ZRANB2: variants seen among roughly 807,000 people sequenced by gnomAD.
ZRANB2 encodes the protein zinc finger RANBP2-type containing 2, also known as zinc finger Ran-binding domain-containing protein 2.
Under a neutral mutation model 53.4 loss-of-function variants are expected in ZRANB2, and 19 were observed. The ratio of observed to expected loss-of-function variants is 0.36; its 90% CI spans 0.25 to 0.52. The LOEUF is 0.52. ZRANB2 is among the 20% of genes least tolerant of loss of function. ZRANB2 has a pLI of 0.93. For synonymous variants in ZRANB2, 145 were observed against 134.8 expected (o/e 1.08, Z -0.52); for missense variants, 309 against 401.1 (o/e 0.77, Z 1.96).
chr1:71,064,978 C>T lies in ZRANB2; in HGVS notation c.*96G>A, dbSNP rs1661387557. 1.4e-6 allele frequency: 1 copy of T among 731,202 alleles called. No individual in the cohort carries two copies. Among genetic ancestry groups the T allele is most frequent in the Non-Finnish European group, 2.3e-6 (1 of 438,380 alleles). 45.3% of individuals were successfully genotyped at this position (731,202 alleles called of 1,614,324 possible). On this transcript the variant is annotated 3_prime_UTR_variant, in exon 10 of 10. Coordinates refer to ENST00000370920, the MANE Select transcript of ZRANB2 (RefSeq NM_203350.3). Reference sequence around the variant, plus strand: ...AATGAAAGGCATGCACCTCTACTAGCAGATTTAGCACTTCTGACCAAGTAA... The same window carrying T: ...AATGAAAGGCATGCACCTCTACTAGTAGATTTAGCACTTCTGACCAAGTAA...
intron 9 of ZRANB2, chr1:71,065,693 G>A: frequency 6.2e-7 from 1 of 1,611,734 alleles, no homozygotes; most frequent in Non-Finnish European, 8.5e-7. Context: ...TAAAGTAGTG[G>A]TGTTCCGTAG....
intron 7 of ZRANB2, 75 bp from the exon 8 acceptor site, chr1:71,069,437 G>A (rs1661546657): frequency 2.8e-6 from 3 of 1,062,754 alleles, no homozygotes; most frequent in Admixed American, 3.7e-5. Flanking sequence ...CTGAAAGAAA[G>A]ATATGTATTA....
intron 4 of ZRANB2, among the ~76,000 whole-genome samples, chr1:71,076,258 T>C (rs1661708132): frequency 6.6e-6 from 1 of 152,216 alleles, no homozygotes; most frequent in African/African-American, 2.4e-5. Flanking sequence ...AACTATTATT[T>C]AGGCCAATGA....
chr1:71,075,961 A>C (rs1003099406), intron 4 of ZRANB2, among the ~76,000 whole-genome samples: 2 of 152,124 alleles, frequency 1.3e-5, no homozygotes, highest in African/African-American at 4.8e-5. Context: ...GCTAGGTCGA[A>C]AAGATTGAAC....
At position 71,080,970 on chromosome 1, in the gene ZRANB2, C is replaced by T; in HGVS notation, c.26G>A (p.Ser9Asn). MSTKNFRV[S>N]DGDWICPDKK... ...GTCAGGGCAAATCCAGTCCCCGTCA[C>T]TGACTCGGAAATTCTTGGTCGACAT... is the stretch of plus-strand genomic sequence containing the variant. The change falls in exon 1 of 10, where the codon AGT becomes AAT. Residue 9 changes from serine to asparagine, a missense_variant. By Grantham distance (46) the Ser-to-Asn change is conservative (BLOSUM62 1). Transcript: ENST00000370920. The T allele has an allele frequency of 6.2e-7, 1 of 1,614,214 alleles. No homozygotes were observed. Among genetic ancestry groups the T allele is most frequent in the Non-Finnish European group, 8.5e-7 (1 of 1,180,034 alleles).
At chr1:71,067,042 A>C (rs765849795) in intron 8 of ZRANB2, 108 bp from the exon 9 acceptor site, 4 of 1,111,102 alleles carry the variant, frequency 3.6e-6, no homozygotes, top group Non-Finnish European at 3.7e-6. Flanking sequence ...AACAACTATG[A>C]AAATTTTATA....
At chr1:71,080,818 C>CG (rs1487388252) in intron 1 of ZRANB2, 122 bp downstream of exon 1, 2 of 1,126,824 alleles carry the variant, frequency 1.8e-6, no homozygotes, top group Non-Finnish European at 2.7e-6. Flanking sequence ...AGGGAACTGG[C>CG]GGTTCGCCGC....
intron 9 of ZRANB2, chr1:71,065,805 G>T (rs779215123): frequency 4.1e-5 from 66 of 1,602,030 alleles, no homozygotes; most frequent in Non-Finnish European, 5.4e-5. Flanking sequence ...AAACTAGGGG[G>T]ATTATATGTG....
chr1:71,066,943 A>G lies in ZRANB2; in HGVS notation c.771-9T>C. ...GGGACCTGGAGCTGGATCTTCATTG[A>G]TTGAGAAACAAATCAAACATTTCAT... On this transcript the variant is annotated splice_polypyrimidine_tract_variant and intron_variant, in intron 8 of 9. Transcript: ENST00000370920. 1 of 1,547,218 alleles carries G rather than the reference A, an allele frequency of 6.5e-7. No individual in the cohort carries two copies. The highest frequency in any genetic ancestry group is 8.7e-7 in the Non-Finnish European group (1 of 1,148,386).
chr1:71,068,540 C>T (rs867194860), intron 8 of ZRANB2, among the ~76,000 whole-genome samples: 3 of 152,004 alleles, frequency 2.0e-5, no homozygotes, highest in South Asian at 2.1e-4. Flanking sequence ...CTCAACTAAC[C>T]GACTATACTT....
At chr1:71,075,089 GT>G (rs1661677379) in intron 4 of ZRANB2, among the ~76,000 whole-genome samples, 2 of 152,032 alleles carry the variant, frequency 1.3e-5, no homozygotes, top group South Asian at 2.1e-4. Context: ...ATAGGTCAAA[GT>G]TTTTTTAAGT....
chr1:71,078,811 C>G, intron 1 of ZRANB2, 103 bp from the exon 2 acceptor site: 1 of 998,702 alleles, frequency 1.0e-6, no homozygotes, highest in South Asian at 1.5e-5. Context: ...TCTAATCCAT[C>G]TTAGTCATGT....
intron 6 of ZRANB2, 71 bp from the exon 7 acceptor site, chr1:71,071,067 G>C: frequency 2.2e-6 from 3 of 1,361,548 alleles, no homozygotes. Context: ...AAAACAGTTA[G>C]GTGTACTGAG....
Position 71,072,542 on chromosome 1 carries a change from CCAT to C in ZRANB2, c.305_307del (p.Tyr102_Gly103delinsCys), listed in dbSNP as rs1661617589. The C allele has an allele frequency of 3.7e-6, 6 of 1,604,106 alleles. No homozygotes were observed. Among genetic ancestry groups the C allele is most frequent in the Non-Finnish European group, 5.1e-6 (6 of 1,173,550 alleles). On this transcript the variant is annotated inframe_deletion, in exon 5 of 10. Transcript: ENST00000370920. ...ATTTTCTCTTTCATTAAAACCACCA[CCAT>C]ATCCTTAAAAAAGAGGGCACAAATT...
intron 8 of ZRANB2, among the ~76,000 whole-genome samples, chr1:71,068,295 C>T (rs1337123666): frequency 1.3e-5 from 2 of 152,144 alleles, no homozygotes; most frequent in Non-Finnish European, 2.9e-5. Context: ...ACCAAAACAG[C>T]CACAGTTAGA....
chr1:71,081,002 C>G lies in ZRANB2; in HGVS notation c.-7G>C. The G allele has an allele frequency of 6.2e-7, 1 of 1,614,134 alleles. No homozygotes were observed. The highest frequency in any genetic ancestry group is 8.5e-7 in the Non-Finnish European group (1 of 1,180,020). ...GGAAATTCTTGGTCGACATCTTGAA[C>G]GCCACCAGCACAGCCACCCGCAGCT... On this transcript the variant is annotated 5_prime_UTR_variant, in exon 1 of 10. Transcript: ENST00000370920.
At chr1:71,080,832 A>T (rs1661829461) in intron 1 of ZRANB2, 108 bp downstream of exon 1, 1 of 1,346,772 alleles carries the variant, frequency 7.4e-7, no homozygotes, top group Non-Finnish European at 1.1e-6. Context: ...TCGCCGCCTC[A>T]ACCCGTCTTA....
chr1:71,067,655 C>A, intron 8 of ZRANB2: 1 of 439,786 alleles, frequency 2.3e-6, no homozygotes, highest in South Asian at 1.7e-5. Flanking sequence ...AAAAAATTCA[C>A]CTTTGGGCTT....
intron 1 of ZRANB2, among the ~76,000 whole-genome samples, chr1:71,080,104 T>C (rs1358184204): frequency 6.6e-6 from 1 of 152,236 alleles, no homozygotes; most frequent in African/African-American, 2.4e-5. Flanking sequence ...AACCTATTTG[T>C]GGCTAACTTA....
Sources: gnomAD v4.1 joint callset for allele counts (sites outside exome capture counted in the v4.1 genomes callset) on GRCh38, gnomAD v4.1.1 for gene constraint, MANE v1.5 for transcripts, NCBI Gene and HGNC (gene_info 2026-07-23, HGNC 2026-07-21) for gene names.